Variants in CNTN5 observed in about 807,000 individuals in gnomAD.
CNTN5 encodes contactin-5.
Under a neutral mutation model 129.1 loss-of-function variants are expected in CNTN5, and 77 were observed. The observed-to-expected ratio is 0.60, with a 90% CI of 0.50 to 0.72. CNTN5 has a LOEUF of 0.72. CNTN5 is among the 30% of genes least tolerant of loss of function. The pLI is 0.00. For synonymous variants in CNTN5, 509 were observed against 465.6 expected, an observed-to-expected ratio of 1.09 and a Z score of -1.20; for missense variants, 1,478 against 1,328.8, an observed-to-expected ratio of 1.11 and a Z score of -1.75.
Position 99,642,735 on chromosome 11 carries a change from C to A in CNTN5, c.55+86466C>A, listed in dbSNP as rs927592180. ...CTATAACTTTGTACACATTGACCAA[C>A]CTTTCTCCATCCTCTTCTCCCCTCT... On this transcript the variant is annotated intron_variant, in intron 3 of 24. Transcript: ENST00000524871. Among the ~76,000 whole-genome samples the A allele has an allele frequency of 2.0e-5, 3 of 152,150 alleles. No homozygotes were observed. In the East Asian group the frequency reaches 5.8e-4, roughly 29 times the overall value.
At chr11:100,300,352 T>G (rs559928060) in intron 20 of CNTN5, among the ~76,000 whole-genome samples, 1 of 151,414 alleles carries the variant, frequency 6.6e-6, no homozygotes, top group African/African-American at 2.4e-5. Context: ...ACCTTACAAG[T>G]GGGGGAAAAA....
At chr11:99,694,101 T>C (rs924341570) in intron 3 of CNTN5, among the ~76,000 whole-genome samples, 7 of 151,214 alleles carry the variant, frequency 4.6e-5, no homozygotes, top group African/African-American at 1.7e-4. Context: ...GAATGTAAAA[T>C]GTGAGAAAGG....
intron 8 of CNTN5, among the ~76,000 whole-genome samples, chr11:99,989,667 T>C (rs1228536560): frequency 6.6e-6 from 1 of 152,228 alleles, no homozygotes; most frequent in Admixed American, 6.5e-5. Flanking sequence ...CGTGGAAATT[T>C]ATGAAAATAA....
intron 3 of CNTN5, among the ~76,000 whole-genome samples, chr11:99,588,913 T>C (rs1199383298): frequency 2.0e-5 from 3 of 152,214 alleles, no homozygotes; most frequent in Non-Finnish European, 2.9e-5. Context: ...GTTGCTGTTG[T>C]GGAAAAGTAA....
intron 8 of CNTN5, among the ~76,000 whole-genome samples, chr11:99,972,436 C>G (rs1208790803): frequency 6.6e-6 from 1 of 152,152 alleles, no homozygotes. Context: ...AGGCGTGTCC[C>G]TGCGCCTCAA....
intron 8 of CNTN5, among the ~76,000 whole-genome samples, chr11:99,957,978 A>G (rs1565721013): frequency 6.6e-6 from 1 of 151,880 alleles, no homozygotes; most frequent in Non-Finnish European, 1.5e-5. Context: ...ATATATACAT[A>G]TATAGATAGA....
chr11:99,744,945 A>G (rs1004881266), intron 3 of CNTN5, among the ~76,000 whole-genome samples: 1 of 152,130 alleles, frequency 6.6e-6, no homozygotes, highest in Non-Finnish European at 1.5e-5. Context: ...TTAGCGTTCT[A>G]TTCCTTCATT....
intron 8 of CNTN5, among the ~76,000 whole-genome samples, chr11:99,974,832 C>T (rs565547437): frequency 3.7e-4 from 56 of 152,116 alleles, no homozygotes; most frequent in Admixed American, 3.0e-3. Flanking sequence ...GTAGGTTTTC[C>T]TTCACAGTGT....
chr11:99,771,664 G>C (rs769137615), intron 3 of CNTN5, among the ~76,000 whole-genome samples: 3 of 151,926 alleles, frequency 2.0e-5, no homozygotes, highest in African/African-American at 7.2e-5. Context: ...ATGAGGAGAC[G>C]TTGGTCAGAA....
intron 1 of CNTN5, among the ~76,000 whole-genome samples, chr11:99,219,550 G>T (rs1215760283): frequency 6.6e-6 from 1 of 151,654 alleles, no homozygotes; most frequent in Non-Finnish European, 1.5e-5. Flanking sequence ...AGCTGGTATT[G>T]GTGTTTATAG....
intron 13 of CNTN5, among the ~76,000 whole-genome samples, chr11:100,101,341 G>A (rs932665083): frequency 6.6e-6 from 1 of 152,026 alleles, no homozygotes; most frequent in Non-Finnish European, 1.5e-5. Flanking sequence ...TGGGGAGGAA[G>A]GTAAATGCTC....
At chr11:99,724,041 T>A (rs1289776736) in intron 3 of CNTN5, among the ~76,000 whole-genome samples, 1 of 152,298 alleles carries the variant, frequency 6.6e-6, no homozygotes, top group South Asian at 2.1e-4. Context: ...CCCAGGCTTA[T>A]CTTGTTCTAC....
At chr11:100,045,854 C>T (rs1240672491) in intron 9 of CNTN5, among the ~76,000 whole-genome samples, 1 of 151,950 alleles carries the variant, frequency 6.6e-6, no homozygotes, top group Non-Finnish European at 1.5e-5. Context: ...TTTATTCGCC[C>T]ACCAAAATTG....
Position 99,499,173 on chromosome 11 carries a change from A to T in CNTN5, c.-70-56972A>T, listed in dbSNP as rs139864564. ...TTCCTACTGAGATAGTTAACACCCC[A>T]CTATTCCCAAATTGGAATGTGAACT... On this transcript the variant is annotated intron_variant, in intron 2 of 24. Transcript: ENST00000524871. Among the ~76,000 whole-genome samples, 86 of 152,174 alleles carry T rather than the reference A, an allele frequency of 5.7e-4. 1 individual carries two copies. Among genetic ancestry groups the T allele is most frequent in the African/African-American group, 2.0e-3 (83 of 41,510 alleles).
chr11:99,312,990 A>G lies in CNTN5; in HGVS notation c.-209-12356A>G, dbSNP rs186764375. The stretch of plus-strand genomic sequence containing the variant: ...TTTTAATAGAACGAGCTAATAAGTA[A>G]GAGATAAAAGTAGAAAACCCAGAGC... On this transcript the variant is annotated intron_variant, in intron 1 of 24. Transcript: ENST00000524871. Among the ~76,000 whole-genome samples, 374 of 152,170 alleles carry G rather than the reference A, an allele frequency of 2.5e-3. 1 individual carries two copies. Among genetic ancestry groups the G allele is most frequent in the African/African-American group, 8.4e-3 (348 of 41,558 alleles).
chr11:99,351,102 G>T (rs1195246896), intron 2 of CNTN5, among the ~76,000 whole-genome samples: 1 of 151,912 alleles, frequency 6.6e-6, no homozygotes, highest in African/African-American at 2.4e-5. Context: ...AACCACCATG[G>T]CACATGTATA....
At chr11:100,245,420 G>A (rs1228056675) in intron 16 of CNTN5, among the ~76,000 whole-genome samples, 3 of 152,000 alleles carry the variant, frequency 2.0e-5, no homozygotes, top group African/African-American at 7.2e-5. Context: ...ATTGGCTTAG[G>A]CCTAGCTTCC....
chr11:100,333,270 A>G (rs192252853), intron 21 of CNTN5, among the ~76,000 whole-genome samples: 4 of 152,232 alleles, frequency 2.6e-5, no homozygotes, highest in Admixed American at 2.0e-4. Context: ...GAAAGAAATC[A>G]TAGACAACAC....
intron 8 of CNTN5, among the ~76,000 whole-genome samples, chr11:99,983,433 C>T (rs113988074): frequency 0.016 from 2,380 of 152,170 alleles, 65 homozygotes; most frequent in African/African-American, 0.054. Context: ...TGGATGGGCT[C>T]GAATGCAATA....
Sources: allele counts gnomAD v4.1 joint callset (sites outside exome capture counted in the v4.1 genomes callset), GRCh38; gene constraint gnomAD v4.1.1; transcripts MANE v1.5; gene names NCBI Gene and HGNC (gene_info 2026-07-23, HGNC 2026-07-21).